Variants in TMTC2 observed in about 807,000 individuals in gnomAD.
TMTC2 encodes the protein protein O-mannosyl-transferase TMTC2.
Under a neutral mutation model 82.4 loss-of-function variants are expected in TMTC2, and 43 were observed. That is an observed-to-expected ratio of 0.52 (90% CI 0.41 to 0.67). The LOEUF is 0.67. Among genes scored for constraint, TMTC2 ranks in the 30% least tolerant of loss-of-function variants. TMTC2 has a pLI of 0.00. For missense variants in TMTC2, 919 were observed against 1,012.4 expected, an observed-to-expected ratio of 0.91 and a Z score of 1.25; for synonymous variants, 408 against 381.9, an observed-to-expected ratio of 1.07 and a Z score of -0.80.
rs532491867 is a variant in TMTC2 at position 83,049,948 on chromosome 12, G to A, written c.2153-956G>A. ...GCATTTTTTCACATGCTTGTTGGCTGTGTATATGTCTTCTTGACATTTTCA... is the reference window on the plus strand; with the variant it reads ...GCATTTTTTCACATGCTTGTTGGCTATGTATATGTCTTCTTGACATTTTCA... On this transcript the variant is annotated intron_variant, in intron 9 of 11. Coordinates refer to ENST00000321196, the MANE Select transcript of TMTC2 (RefSeq NM_152588.3). Among the ~76,000 whole-genome samples, 218 of 152,306 alleles carry A rather than the reference G, an allele frequency of 1.4e-3. 1 individual carries two copies. The highest frequency in any genetic ancestry group is 5.1e-3 in the African/African-American group (210 of 41,562).
At chr12:82,997,344 GTGTGTA>G (rs1565844971) in intron 8 of TMTC2, among the ~76,000 whole-genome samples, 2 of 21,008 alleles carry the variant, frequency 9.5e-5, no homozygotes, top group East Asian at 1.6e-3. Flanking sequence ...GTGTGTGTGT[GTGTGTA>G]TATATATATA....
At chr12:82,734,647 A>G (rs1195091352) in intron 1 of TMTC2, among the ~76,000 whole-genome samples, 1 of 152,182 alleles carries the variant, frequency 6.6e-6, no homozygotes, top group African/African-American at 2.4e-5. Flanking sequence ...TATGCCTACC[A>G]CAGTTGCTAT....
intron 1 of TMTC2, among the ~76,000 whole-genome samples, chr12:82,807,397 A>G (rs1408275342): frequency 6.6e-6 from 1 of 152,074 alleles, no homozygotes; most frequent in South Asian, 2.1e-4. Flanking sequence ...GTTCCCTTTC[A>G]TTCAGTGTCA....
At position 83,061,767 on chromosome 12, in the gene TMTC2, G is replaced by A; in HGVS notation, c.2268-1G>A. 1 of 1,587,116 alleles carries A rather than the reference G, an allele frequency of 6.3e-7. No individual in the cohort carries two copies. The highest frequency in any genetic ancestry group is 8.6e-7 in the Non-Finnish European group (1 of 1,168,932). On this transcript the variant is annotated splice_acceptor_variant, in intron 10 of 11. Transcript: ENST00000321196. LOFTEE classifies it high-confidence loss of function. ...GTTTTATTTTATTTTTTCTTTTACAGACAGGCTAGCCTCAATGAAGCAGCT... is the reference window on the plus strand; with the variant it reads ...GTTTTATTTTATTTTTTCTTTTACAAACAGGCTAGCCTCAATGAAGCAGCT...
chr12:82,829,425 G>C (rs1869628252), intron 1 of TMTC2, among the ~76,000 whole-genome samples: 1 of 152,084 alleles, frequency 6.6e-6, no homozygotes, highest in African/African-American at 2.4e-5. Context: ...TTAAGGTTTT[G>C]TTTGAATTTT....
intron 1 of TMTC2, chr12:82,760,466 G>GTTTTTTTTT (rs11401470): frequency 9.3e-6 from 1 of 108,006 alleles, no homozygotes; most frequent in African/African-American, 3.5e-5. Flanking sequence ...TGTGCCCAGG[G>GTTTTTTTTT]TTTTTTTTTT....
At chr12:82,906,170 A>G (rs945838022) in intron 3 of TMTC2, among the ~76,000 whole-genome samples, 1 of 152,086 alleles carries the variant, frequency 6.6e-6, no homozygotes, top group Non-Finnish European at 1.5e-5. Flanking sequence ...AAAATTGACT[A>G]TTTCCTTGTG....
At chr12:82,922,065 C>A (rs1243545352) in intron 3 of TMTC2, among the ~76,000 whole-genome samples, 1 of 151,928 alleles carries the variant, frequency 6.6e-6, no homozygotes, top group Non-Finnish European at 1.5e-5. Context: ...CATGATCATG[C>A]CACTGCACTC....
At chr12:82,977,391 A>C (rs894088218) in intron 7 of TMTC2, among the ~76,000 whole-genome samples, 1 of 151,942 alleles carries the variant, frequency 6.6e-6, no homozygotes, top group African/African-American at 2.4e-5. Context: ...CCATGAGAAA[A>C]GAAAACCAGA....
At chr12:83,010,061 T>G (rs1258263591) in intron 8 of TMTC2, among the ~76,000 whole-genome samples, 4 of 152,178 alleles carry the variant, frequency 2.6e-5, no homozygotes, top group Non-Finnish European at 5.9e-5. Context: ...ACTCACCTCC[T>G]GCTGTGCAGC....
intron 1 of TMTC2, among the ~76,000 whole-genome samples, chr12:82,764,974 C>CGGT (rs1555183510): frequency 1.4e-5 from 2 of 145,022 alleles, no homozygotes; most frequent in Admixed American, 6.9e-5. Flanking sequence ...GTCTGGTGGG[C>CGGT]GGGGGGGTGA....
intron 3 of TMTC2, among the ~76,000 whole-genome samples, chr12:82,907,422 C>T (rs1874382579): frequency 6.6e-6 from 1 of 151,522 alleles, no homozygotes; most frequent in Non-Finnish European, 1.5e-5. Context: ...GAGATTGTGC[C>T]ACTGCACTCC....
At position 82,704,848 on chromosome 12, in the gene TMTC2, C is replaced by T. The variant is rs534335153; in HGVS notation, c.83+17179C>T. On this transcript the variant is annotated intron_variant, in intron 1 of 11. Coordinates refer to ENST00000321196, the MANE Select transcript of TMTC2 (RefSeq NM_152588.3). Reference sequence around the variant, plus strand: ...CAACAAAAATTATAAGAATAATTGCCCTTATAAAGAAGTCATTATATGAAA... The same window carrying T: ...CAACAAAAATTATAAGAATAATTGCTCTTATAAAGAAGTCATTATATGAAA... Among the ~76,000 whole-genome samples, 59 of 152,022 alleles carry T rather than the reference C, an allele frequency of 3.9e-4. No homozygotes were observed. In the Middle Eastern group the frequency reaches 0.017, roughly 44 times the overall value.
chr12:82,965,456 T>A, intron 5 of TMTC2, 104 bp from the exon 6 acceptor site: 1 of 1,259,102 alleles, frequency 7.9e-7, no homozygotes, highest in Middle Eastern at 2.0e-4. Context: ...TTTTCTTTTT[T>A]AATGAGCACT....
intron 2 of TMTC2, among the ~76,000 whole-genome samples, chr12:82,876,069 A>ATGGTGATGGTGGTGGTGGTGGTGG (rs1244436181): frequency 9.8e-6 from 1 of 102,226 alleles, no homozygotes; most frequent in Admixed American, 1.0e-4. Flanking sequence ...GGTGGTGGTG[A>ATGGTGATGGTGGTGGTGGTGGTGG]TGATGATGAT....
intron 2 of TMTC2, among the ~76,000 whole-genome samples, chr12:82,866,041 T>C (rs908926673): frequency 2.0e-5 from 3 of 152,094 alleles, no homozygotes; most frequent in Admixed American, 2.0e-4. Flanking sequence ...TAGCACGAAA[T>C]GCCCTCAAGA....
At chr12:82,835,623 T>A (rs532326770) in intron 1 of TMTC2, among the ~76,000 whole-genome samples, 1 of 152,352 alleles carries the variant, frequency 6.6e-6, no homozygotes, top group South Asian at 2.1e-4. Context: ...CAACATTTTT[T>A]TCTTAAATTA....
At chr12:82,960,016 T>C (rs948736605) in intron 4 of TMTC2, among the ~76,000 whole-genome samples, 2 of 151,732 alleles carry the variant, frequency 1.3e-5, no homozygotes, top group South Asian at 4.1e-4. Flanking sequence ...AAGAAAGATA[T>C]GAGCAGACAC....
chr12:82,957,811 A>G (rs563275827), intron 4 of TMTC2, among the ~76,000 whole-genome samples: 1 of 152,228 alleles, frequency 6.6e-6, no homozygotes, highest in African/African-American at 2.4e-5. Flanking sequence ...AACCTGGAAG[A>G]AATAAAAACC....
Sources: gnomAD v4.1 joint callset for allele counts (sites outside exome capture counted in the v4.1 genomes callset) on GRCh38, gnomAD v4.1.1 for gene constraint, MANE v1.5 for transcripts, NCBI Gene and HGNC (gene_info 2026-07-23, HGNC 2026-07-21) for gene names.